The following RNF220 variants were observed in gnomAD, a reference collection of about 807,000 sequenced individuals.
The protein encoded by RNF220 is E3 ubiquitin-protein ligase RNF220.
Under a neutral mutation model 67.1 loss-of-function variants are expected in RNF220, and 7 were observed. The ratio of observed to expected loss-of-function variants is 0.10; its 90% CI spans 0.06 to 0.20. The LOEUF (loss-of-function observed/expected upper bound fraction) is 0.20, where lower values mean the gene tolerates loss of function less well. RNF220 is among the 10% of genes least tolerant of loss of function. RNF220 has a pLI of 1.00. For synonymous variants in RNF220, 270 were observed against 283.2 expected, an observed-to-expected ratio of 0.95 and a Z score of 0.47; for missense variants, 565 against 740.3, an observed-to-expected ratio of 0.76 and a Z score of 2.75.
At chr1:44,570,796 G>A (rs192171375) in intron 2 of RNF220, among the ~76,000 whole-genome samples, 2 of 152,250 alleles carry the variant, frequency 1.3e-5, no homozygotes, top group Non-Finnish European at 2.9e-5. Context: ...AAATCAGGCC[G>A]AGTGTGGTGT....
intron 2 of RNF220, among the ~76,000 whole-genome samples, chr1:44,549,408 T>C (rs138476487): frequency 1.9e-4 from 29 of 152,274 alleles, no homozygotes; most frequent in African/African-American, 6.3e-4. Context: ...AATTTTTCTC[T>C]CTCCACCTTT....
chr1:44,501,900 A>G (rs990422775), intron 2 of RNF220, among the ~76,000 whole-genome samples: 2 of 152,050 alleles, frequency 1.3e-5, no homozygotes, highest in Non-Finnish European at 2.9e-5. Context: ...GAGCTATTAT[A>G]CTCTTTGAAA....
intron 2 of RNF220, among the ~76,000 whole-genome samples, chr1:44,564,750 TC>T (rs1663853631): frequency 1.0e-5 from 1 of 96,712 alleles, no homozygotes. Context: ...AGACTCCATC[TC>T]AAAAAAAAAA....
At chr1:44,416,451 C>T (rs1436850232) in intron 2 of RNF220, among the ~76,000 whole-genome samples, 1 of 152,202 alleles carries the variant, frequency 6.6e-6, no homozygotes, top group Non-Finnish European at 1.5e-5. Context: ...AGAATCTGTA[C>T]ATTTATTACC....
At position 44,598,038 on chromosome 1, in the gene RNF220, C is replaced by T. The variant is rs548838081; in HGVS notation, c.626-16127C>T. Among the ~76,000 whole-genome samples, 9 of 152,058 alleles carry T rather than the reference C, an allele frequency of 5.9e-5. No individual in the cohort carries two copies. In the South Asian group the frequency reaches 1.7e-3, roughly 28 times the overall value. Reference sequence around the variant, plus strand: ...TTTGGGACATATCCTGAAACCAGCCCCCTCATGCCCCCTGCCCGCCCCCTC... The same window carrying T: ...TTTGGGACATATCCTGAAACCAGCCTCCTCATGCCCCCTGCCCGCCCCCTC... On this transcript the variant is annotated intron_variant, in intron 2 of 14. Coordinates refer to ENST00000361799, the MANE Select transcript of RNF220 (RefSeq NM_018150.4).
At chr1:44,546,905 C>T (rs1399046498) in intron 2 of RNF220, among the ~76,000 whole-genome samples, 1 of 152,212 alleles carries the variant, frequency 6.6e-6, no homozygotes, top group East Asian at 1.9e-4. Context: ...CCTCTCTCAC[C>T]TGCCCCAGTC....
intron 2 of RNF220, among the ~76,000 whole-genome samples, chr1:44,567,423 G>A (rs980475889): frequency 3.3e-5 from 5 of 152,046 alleles, no homozygotes; most frequent in Admixed American, 3.3e-4. Context: ...GACCTGAAGG[G>A]GACCTTTTCT....
At chr1:44,577,339 C>CT (rs1222214496) in intron 2 of RNF220, among the ~76,000 whole-genome samples, 125 of 148,332 alleles carry the variant, frequency 8.4e-4, no homozygotes, top group African/African-American at 3.2e-3. Context: ...CTTCTCCCCT[C>CT]TCCCCACTGC....
At chr1:44,537,161 C>T (rs1055828263) in intron 2 of RNF220, among the ~76,000 whole-genome samples, 5 of 152,200 alleles carry the variant, frequency 3.3e-5, no homozygotes, top group Middle Eastern at 6.8e-3. Context: ...CCCTCTTCTA[C>T]CCCCTGCATA....
At position 44,442,468 on chromosome 1, in the gene RNF220, A is replaced by G. The variant is rs149500560; in HGVS notation, c.625+29746A>G. Among the ~76,000 whole-genome samples the G allele has an allele frequency of 3.3e-5, 5 of 151,158 alleles. No homozygotes were observed. The East Asian group carries it at 7.8e-4, about 24-fold the overall frequency. On this transcript the variant is annotated intron_variant, in intron 2 of 14. Transcript: ENST00000361799. ...TGCATATTATCTTAAAAAGAGTCCA[A>G]AGGAGAGCTCTTGATTCTTTGCCCC...
intron 2 of RNF220, among the ~76,000 whole-genome samples, chr1:44,458,993 C>T (rs1572566092): frequency 6.6e-6 from 1 of 152,208 alleles, no homozygotes; most frequent in South Asian, 2.1e-4. Flanking sequence ...CTTCCTCTCT[C>T]CCTTGCTCCT....
chr1:44,613,298 G>A (rs272544), intron 2 of RNF220, among the ~76,000 whole-genome samples: 103 of 127,332 alleles, frequency 8.1e-4, no homozygotes, highest in African/African-American at 2.8e-3. Flanking sequence ...GGATGTTTCT[G>A]GATTAATAGG....
At chr1:44,577,686 C>A (rs1664910503) in intron 2 of RNF220, among the ~76,000 whole-genome samples, 1 of 152,358 alleles carries the variant, frequency 6.6e-6, no homozygotes, top group Admixed American at 6.5e-5. Context: ...TGGTAAAATA[C>A]TGGGGACAAT....
intron 2 of RNF220, among the ~76,000 whole-genome samples, chr1:44,428,287 T>G (rs1030238788): frequency 1.3e-5 from 2 of 152,208 alleles, no homozygotes; most frequent in Non-Finnish European, 2.9e-5. Context: ...CCAACTCAGA[T>G]AGCAAGTCTG....
At chr1:44,557,066 C>T (rs573119304) in intron 2 of RNF220, among the ~76,000 whole-genome samples, 20 of 150,506 alleles carry the variant, frequency 1.3e-4, no homozygotes, top group African/African-American at 4.9e-4. Flanking sequence ...GTTGAAGGAG[C>T]TTCTTTCTCA....
intron 2 of RNF220, among the ~76,000 whole-genome samples, chr1:44,580,433 G>A (rs530474777): frequency 4.6e-5 from 7 of 152,320 alleles, no homozygotes; most frequent in African/African-American, 1.7e-4. Flanking sequence ...GGACATTATT[G>A]TTGTTTTTAG....
chr1:44,632,400 G>GCCCCCACCCCC lies in RNF220; in HGVS notation c.949+19_949+20insCACCCCCCCCC. ...CCGACTGAATGGTGAGTCCTGCCCGGCCCCTCCCTCCGCCCCACCCCCGGC... is the reference window on the plus strand; with the variant it reads ...CCGACTGAATGGTGAGTCCTGCCCGGCCCCCACCCCCCCCCTCCCTCCGCCCCACCCCCGGC... On this transcript the variant is annotated intron_variant, in intron 6 of 14. Transcript: ENST00000361799. 1 of 1,607,452 alleles carries GCCCCCACCCCC rather than the reference G, an allele frequency of 6.2e-7. No individual in the cohort carries two copies.
At chr1:44,583,716 A>T (rs866924874) in intron 2 of RNF220, among the ~76,000 whole-genome samples, 10 of 152,240 alleles carry the variant, frequency 6.6e-5, no homozygotes, top group African/African-American at 2.4e-4. Flanking sequence ...TTCTTTGTGC[A>T]TTCAGGGTAA....
chr1:44,522,609 A>AC (rs1261538486), intron 2 of RNF220, among the ~76,000 whole-genome samples: 1 of 151,700 alleles, frequency 6.6e-6, no homozygotes, highest in Non-Finnish European at 1.5e-5. Flanking sequence ...GACAGAGAGA[A>AC]CCAAGTAGAG....
Sources: gnomAD v4.1 joint callset for allele counts (sites outside exome capture counted in the v4.1 genomes callset) on GRCh38, gnomAD v4.1.1 for gene constraint, MANE v1.5 for transcripts, NCBI Gene and HGNC (gene_info 2026-07-23, HGNC 2026-07-21) for gene names.